The following CDH20 variants were observed in gnomAD, a reference collection of about 807,000 sequenced individuals.
The protein encoded by CDH20 is cadherin 20.
Under a neutral mutation model 74.2 loss-of-function variants are expected in CDH20, and 29 were observed. The ratio of observed to expected loss-of-function variants is 0.39; its 90% CI spans 0.29 to 0.53. The LOEUF (loss-of-function observed/expected upper bound fraction) is 0.53, where lower values mean the gene tolerates loss of function less well. Ranked by LOEUF, CDH20 falls within the 20% of genes least tolerant of loss-of-function variation. The pLI is 0.69. For synonymous variants in CDH20, 469 were observed against 405.4 expected, an observed-to-expected ratio of 1.16 and a Z score of -1.88; for missense variants, 988 against 1,048.3, an observed-to-expected ratio of 0.94 and a Z score of 0.79.
intron 11 of CDH20, 100 bp from the exon 12 acceptor site, chr18:61,554,090 T>TA: frequency 7.0e-7 from 1 of 1,420,840 alleles, no homozygotes; most frequent in South Asian, 1.3e-5. Flanking sequence ...CTCCACTCGG[T>TA]AGCCCTTCCC....
chr18:61,522,795 A>T (rs1370724940), intron 6 of CDH20, among the ~76,000 whole-genome samples: 1 of 152,204 alleles, frequency 6.6e-6, no homozygotes, highest in East Asian at 1.9e-4. Context: ...GACAAACCTG[A>T]CAAAAACAAT....
At chr18:61,405,934 T>C (rs973652291) in intron 1 of CDH20, among the ~76,000 whole-genome samples, 1 of 152,240 alleles carries the variant, frequency 6.6e-6, no homozygotes, top group African/African-American at 2.4e-5. Context: ...TCTTTGTCTG[T>C]TAGGATGTGC....
intron 6 of CDH20, among the ~76,000 whole-genome samples, chr18:61,511,303 G>C (rs139739311): frequency 6.6e-6 from 1 of 151,800 alleles, no homozygotes; most frequent in South Asian, 2.1e-4. Context: ...GGTCAAGGCT[G>C]CAGTGAGCCA....
At chr18:61,371,730 C>T (rs543778505) in intron 1 of CDH20, among the ~76,000 whole-genome samples, 9 of 151,936 alleles carry the variant, frequency 5.9e-5, no homozygotes, top group Non-Finnish European at 1.0e-4. Flanking sequence ...TTTTCATATC[C>T]TACAGCTAAA....
intron 1 of CDH20, among the ~76,000 whole-genome samples, chr18:61,443,470 A>C (rs776051232): frequency 6.6e-6 from 1 of 152,180 alleles, no homozygotes; most frequent in Non-Finnish European, 1.5e-5. Context: ...ATGCAGGCCA[A>C]AGAAAACATG....
rs115312589 is a variant in CDH20 at position 61,535,726 on chromosome 18, T to C, written c.1272-767T>C. Among the ~76,000 whole-genome samples, 814 of 152,326 alleles carry C rather than the reference T, an allele frequency of 5.3e-3. 3 individuals carry two copies. The highest frequency in any genetic ancestry group is 0.01 in the Middle Eastern group (3 of 294). ...GATGCATGTTGGTCCAGACTGAACA[T>C]GAAAAGTAGAAGCAATGGACGAAGT... On this transcript the variant is annotated intron_variant, in intron 7 of 11. Transcript: ENST00000262717.
intron 10 of CDH20, among the ~76,000 whole-genome samples, chr18:61,545,397 C>T (rs949434771): frequency 6.6e-6 from 1 of 151,818 alleles, no homozygotes; most frequent in Non-Finnish European, 1.5e-5. Flanking sequence ...CATGAGCCAC[C>T]GTGCCCAGCC....
intron 1 of CDH20, among the ~76,000 whole-genome samples, chr18:61,387,154 A>G (rs996593743): frequency 6.6e-6 from 1 of 152,206 alleles, no homozygotes; most frequent in Non-Finnish European, 1.5e-5. Context: ...CAAATAAAAC[A>G]GCTTCCATGT....
chr18:61,348,725 TG>T (rs1910213001), intron 1 of CDH20, among the ~76,000 whole-genome samples: 1 of 151,780 alleles, frequency 6.6e-6, no homozygotes, highest in African/African-American at 2.4e-5. Flanking sequence ...AGGTAGAAAG[TG>T]GGGGTAAGAG....
At chr18:61,410,121 G>A (rs1912449609) in intron 1 of CDH20, among the ~76,000 whole-genome samples, 1 of 152,140 alleles carries the variant, frequency 6.6e-6, no homozygotes, top group Non-Finnish European at 1.5e-5. Context: ...GAGGCAGGGA[G>A]CTCCTTAGTT....
rs756895282 is a variant in CDH20 at position 61,507,449 on chromosome 18, T to C, written c.906T>C (p.Asp302=). Residue 302 remains aspartate, a synonymous_variant, in exon 6 of 12, where the codon GAT becomes GAC. Coordinates refer to ENST00000262717, the MANE Select transcript of CDH20 (RefSeq NM_031891.4). ...TVGRVFAKDL[D]EGINAEMKYT... is the part of the protein sequence containing the mutation. The stretch of plus-strand genomic sequence containing the variant: ...GGAGAGTGTTTGCCAAGGACTTGGA[T>C]GAAGGCATCAATGCAGAGATGAAAT... 4.3e-6 allele frequency: 7 copies of C among 1,613,986 alleles called. No homozygotes were observed. The highest frequency in any genetic ancestry group is 2.7e-5 in the African/African-American group (2 of 74,942).
At chr18:61,435,611 G>T (rs1908805198) in intron 1 of CDH20, among the ~76,000 whole-genome samples, 2 of 151,824 alleles carry the variant, frequency 1.3e-5, no homozygotes, top group Non-Finnish European at 2.9e-5. Context: ...CCAGAAAGAG[G>T]AAATATCAGA....
chr18:61,448,822 T>A (rs1454256992), intron 1 of CDH20, among the ~76,000 whole-genome samples: 2 of 152,204 alleles, frequency 1.3e-5, no homozygotes, highest in African/African-American at 4.8e-5. Context: ...GATTAAACTT[T>A]GGTTTAAACA....
At chr18:61,401,351 C>T (rs949272724) in intron 1 of CDH20, among the ~76,000 whole-genome samples, 8 of 152,114 alleles carry the variant, frequency 5.3e-5, no homozygotes, top group Admixed American at 6.6e-5. Context: ...ATATTTATTG[C>T]GTTATGTTAC....
chr18:61,380,617 C>G (rs996623415), intron 1 of CDH20, among the ~76,000 whole-genome samples: 3 of 152,180 alleles, frequency 2.0e-5, no homozygotes, highest in African/African-American at 7.2e-5. Context: ...CTATACCAGC[C>G]TGACCAACAT....
At chr18:61,417,296 T>A (rs563959512) in intron 1 of CDH20, among the ~76,000 whole-genome samples, 12 of 152,096 alleles carry the variant, frequency 7.9e-5, no homozygotes, top group African/African-American at 2.7e-4. Context: ...TTTATACCTG[T>A]AAGGGTATTT....
chr18:61,506,708 A>G (rs887985925), intron 5 of CDH20, among the ~76,000 whole-genome samples: 1 of 152,232 alleles, frequency 6.6e-6, no homozygotes, highest in Non-Finnish European at 1.5e-5. Context: ...AGCTTCTTAC[A>G]TATGTGAGAA....
intron 1 of CDH20, among the ~76,000 whole-genome samples, chr18:61,365,558 T>A (rs1464543037): frequency 6.6e-6 from 1 of 152,214 alleles, no homozygotes; most frequent in Admixed American, 6.5e-5. Context: ...CAAAGGTTTT[T>A]TAAACTCACT....
chr18:61,364,981 C>G, intron 1 of CDH20, among the ~76,000 whole-genome samples: 1 of 152,166 alleles, frequency 6.6e-6, no homozygotes, highest in East Asian at 1.9e-4. Context: ...TTAATGTTGA[C>G]AGAATCTCAT....
Sources: allele counts gnomAD v4.1 joint callset (sites outside exome capture counted in the v4.1 genomes callset), GRCh38; gene constraint gnomAD v4.1.1; transcripts MANE v1.5; gene names NCBI Gene and HGNC (gene_info 2026-07-23, HGNC 2026-07-21).